The following DCLK2 variants were observed in gnomAD, a reference collection of about 807,000 sequenced individuals.
The protein encoded by DCLK2 is doublecortin like kinase 2.
DCLK2 carries 31 observed loss-of-function variants against 78.4 expected under a neutral mutation model. The observed-to-expected ratio is 0.40, with a 90% confidence interval of 0.30 to 0.53. The LOEUF (loss-of-function observed/expected upper bound fraction) is 0.53, where lower values mean the gene tolerates loss of function less well. DCLK2 is among the 20% of genes least tolerant of loss of function. DCLK2 has a pLI of 0.61. For synonymous variants in DCLK2, 407 were observed against 374.9 expected (o/e 1.09, Z -0.99); for missense variants, 872 against 973.7 (o/e 0.90, Z 1.39).
chr4:150,230,887 TTTG>T (rs1741998770), intron 8 of DCLK2, among the ~76,000 whole-genome samples: 1 of 152,114 alleles, frequency 6.6e-6, no homozygotes, highest in Non-Finnish European at 1.5e-5. Flanking sequence ...TTTTGAAGCG[TTTG>T]TTGAGTCCTG....
Position 150,079,191 on chromosome 4 carries a change from G to A in DCLK2, c.164G>A (p.Ser55Asn), listed in dbSNP as rs1729048260. The A allele has an allele frequency of 6.2e-7, 1 of 1,611,944 alleles. No individual in the cohort carries two copies. Among genetic ancestry groups the A allele is most frequent in the Non-Finnish European group, 8.5e-7 (1 of 1,179,160 alleles). ...AGTCCGGCGCACAGTGCCCACTGCA[G>A]CTTCTACCGCACGCGGACCCTGCAG... The part of the protein sequence containing the change: ...IPSPAHSAHC[S>N]FYRTRTLQAL... Residue 55 changes from serine (S) to asparagine (N), a missense_variant, in exon 1 of 16, where the codon AGC (serine) becomes AAC (asparagine). Coordinates refer to ENST00000296550, the MANE Select transcript of DCLK2 (RefSeq NM_001040260.4).
intron 9 of DCLK2, 21 bp from the exon 10 acceptor site, chr4:150,232,661 G>A: frequency 6.2e-7 from 1 of 1,612,122 alleles, no homozygotes. Context: ...GCTTTGATAT[G>A]TTCTTTTATG....
At chr4:150,176,766 T>G (rs1199667140) in intron 2 of DCLK2, among the ~76,000 whole-genome samples, 1 of 152,144 alleles carries the variant, frequency 6.6e-6, no homozygotes, top group African/African-American at 2.4e-5. Flanking sequence ...TCTTATGACA[T>G]GAGTTTCTGA....
At position 150,239,812 on chromosome 4, in the gene DCLK2, G is replaced by A. The variant is rs761963621; in HGVS notation, c.1637G>A (p.Gly546Asp). The change falls in exon 11 of 16, where the codon GGC becomes GAC. Residue 546 changes from glycine to aspartate, a missense_variant. Gly to Asp is a moderately conservative substitution (Grantham distance 94, BLOSUM62 -1). Transcript: ENST00000296550. ...TTTGGGCTTGCGACTGTGGTAGAAGGCCCTTTATACACAGTCTGTGGCACA... is the reference window on the plus strand; with the variant it reads ...TTTGGGCTTGCGACTGTGGTAGAAGACCCTTTATACACAGTCTGTGGCACA... Reference protein sequence around the residue: ...GDFGLATVVEGPLYTVCGTPT... With the variant: ...GDFGLATVVEDPLYTVCGTPT... 21 of 1,614,052 alleles carry A rather than the reference G, an allele frequency of 1.3e-5. No individual in the cohort carries two copies. The highest frequency in any genetic ancestry group is 2.2e-5 in the East Asian group (1 of 44,898).
At chr4:150,100,594 C>A (rs541080938) in intron 1 of DCLK2, among the ~76,000 whole-genome samples, 45 of 151,870 alleles carry the variant, frequency 3.0e-4, no homozygotes, top group Non-Finnish European at 5.3e-4. Context: ...TATTTTGAAT[C>A]GAAAATAGAA....
rs1427481637 is a variant in DCLK2, at chr4:150,195,375, T to A, written c.859+2135T>A. 3.5e-4 allele frequency among the ~76,000 whole-genome samples: 2 copies of A among 5,752 alleles called. 1 individual carries two copies. The highest frequency in any genetic ancestry group is 6.5e-4 in the Non-Finnish European group (2 of 3,092). The allele number at this position is 5,752 out of a possible 152,430, so 3.8% of individuals were successfully genotyped here. ...ATATATTATATATATTATATAATATTATATAATATATATATTATATAATAT... is the reference window on the plus strand; with the variant it reads ...ATATATTATATATATTATATAATATAATATAATATATATATTATATAATAT... On this transcript the variant is annotated intron_variant, in intron 3 of 15. Coordinates refer to ENST00000296550, the MANE Select transcript of DCLK2 (RefSeq NM_001040260.4).
intron 1 of DCLK2, among the ~76,000 whole-genome samples, chr4:150,099,604 A>G (rs1469075894): frequency 6.6e-6 from 1 of 152,226 alleles, no homozygotes; most frequent in Non-Finnish European, 1.5e-5. Context: ...GAAACACTAA[A>G]ACCATGTGCT....
intron 4 of DCLK2, among the ~76,000 whole-genome samples, chr4:150,200,817 A>C (rs933413021): frequency 2.6e-5 from 4 of 152,200 alleles, no homozygotes; most frequent in Non-Finnish European, 5.9e-5. Context: ...AAGCACATAG[A>C]TATTAAGCTA....
chr4:150,198,266 TC>T (rs1739207437), intron 4 of DCLK2, among the ~76,000 whole-genome samples, 163 bp downstream of exon 4: 1 of 152,304 alleles, frequency 6.6e-6, no homozygotes, highest in East Asian at 1.9e-4. Context: ...CAAGTCTGTT[TC>T]CCCAGTTACA....
At chr4:150,134,499 T>G (rs966988811) in intron 2 of DCLK2, among the ~76,000 whole-genome samples, 3 of 152,316 alleles carry the variant, frequency 2.0e-5, no homozygotes, top group Non-Finnish European at 4.4e-5. Context: ...GAAGAAAATT[T>G]TAGTCATTCA....
At chr4:150,083,860 C>T (rs1729467433) in intron 1 of DCLK2, among the ~76,000 whole-genome samples, 1 of 152,222 alleles carries the variant, frequency 6.6e-6, no homozygotes, top group African/African-American at 2.4e-5. Context: ...CTTCTCTGGG[C>T]AGTTGGTCTC....
intron 2 of DCLK2, among the ~76,000 whole-genome samples, chr4:150,117,737 G>T (rs2150176979): frequency 6.6e-6 from 1 of 152,222 alleles, no homozygotes; most frequent in South Asian, 2.1e-4. Flanking sequence ...CTGGGTAGGT[G>T]CTTATAGTTT....
chr4:150,243,572 T>C (rs1993656), intron 12 of DCLK2, among the ~76,000 whole-genome samples: 78,795 of 152,078 alleles, frequency 0.52, 21,401 homozygotes, highest in Non-Finnish European at 0.61. Context: ...CTCTTTGTTT[T>C]ATACAAAAGA....
intron 5 of DCLK2, among the ~76,000 whole-genome samples, chr4:150,212,131 C>G (rs1479057246): frequency 1.3e-5 from 2 of 152,194 alleles, no homozygotes; most frequent in African/African-American, 4.8e-5. Flanking sequence ...CCTGGAGGCT[C>G]TCTGCTGTGA....
intron 2 of DCLK2, among the ~76,000 whole-genome samples, chr4:150,167,972 G>A (rs977037496): frequency 6.6e-6 from 1 of 152,188 alleles, no homozygotes; most frequent in Non-Finnish European, 1.5e-5. Context: ...AGGCCATTGT[G>A]CATGCAGGCA....
At chr4:150,240,355 G>C in intron 11 of DCLK2, 44 bp from the exon 12 acceptor site, 1 of 1,566,070 alleles carries the variant, frequency 6.4e-7, no homozygotes, top group Non-Finnish European at 8.8e-7. Flanking sequence ...GAAGGGTCTT[G>C]GGAGCCATCA....
Position 150,157,539 on chromosome 4 carries a change from G to GTC in DCLK2, c.757-35589_757-35588dup, listed in dbSNP as rs747008533. 5.5e-5 allele frequency among the ~76,000 whole-genome samples: 8 copies of GTC among 144,720 alleles called. No individual in the cohort carries two copies. In the East Asian group the frequency reaches 1.7e-3, roughly 30 times the overall value. The allele number at this position is 144,720 out of a possible 152,430, so 94.9% of individuals were successfully genotyped here. A position where few individuals can be genotyped will look rare whatever the true frequency, so the allele number is the denominator to read the frequency against. On this transcript the variant is annotated intron_variant, in intron 2 of 15. Coordinates refer to ENST00000296550, the MANE Select transcript of DCLK2 (RefSeq NM_001040260.4). Reference sequence around the variant, plus strand: ...TTTGTTTGTTTGTTTTTGAGCTGGAGTCTCTCTCTCTTGTTCAGGCTGGAG... The same window carrying GTC: ...TTTGTTTGTTTGTTTTTGAGCTGGAGTCTCTCTCTCTCTTGTTCAGGCTGGAG...
At chr4:150,191,579 G>A (rs889372098) in intron 2 of DCLK2, among the ~76,000 whole-genome samples, 4 of 152,152 alleles carry the variant, frequency 2.6e-5, no homozygotes, top group Middle Eastern at 3.2e-3. Context: ...TAACACCAAC[G>A]GAGATAGAAG....
intron 2 of DCLK2, among the ~76,000 whole-genome samples, chr4:150,162,805 G>A (rs554415890): frequency 2.6e-5 from 4 of 152,106 alleles, no homozygotes; most frequent in South Asian, 2.1e-4. Flanking sequence ...CTTGCTGTAC[G>A]TACTCTTTGC....
Sources: allele counts gnomAD v4.1 joint callset (sites outside exome capture counted in the v4.1 genomes callset), GRCh38; gene constraint gnomAD v4.1.1; transcripts MANE v1.5; gene names NCBI Gene and HGNC (gene_info 2026-07-23, HGNC 2026-07-21).